The following CCHCR1 variants were observed in gnomAD, a reference collection of about 807,000 sequenced individuals.
The protein encoded by CCHCR1 is HCR (a-helix coiled-coil rod homologue).
Under a neutral mutation model 114.6 loss-of-function variants are expected in CCHCR1, and 91 were observed. The ratio of observed to expected loss-of-function variants is 0.79; its 90% confidence interval spans 0.67 to 0.94. CCHCR1 has a LOEUF of 0.94. Ranked by LOEUF, CCHCR1 falls within the 40% of genes least tolerant of loss-of-function variation. The pLI, the probability that CCHCR1 is intolerant of heterozygous loss-of-function variation, is 0.00. For missense variants in CCHCR1, 899 were observed against 1,079.9 expected (o/e 0.83, Z 2.35); for synonymous variants, 379 against 428.5 (o/e 0.88, Z 1.43).
rs756155788 is a variant in CCHCR1 at position 31,144,991 on chromosome 6, G to C, written c.1959C>G (p.Ser653Arg). 3 of 1,607,538 alleles carry C rather than the reference G, an allele frequency of 1.9e-6. No individual in the cohort carries two copies. Among genetic ancestry groups the C allele is most frequent in the African/African-American group, 2.7e-5 (2 of 75,014 alleles). Residue 653 changes from serine (S) to arginine (R), a missense_variant, in exon 14 of 18, where the codon AGC (serine) becomes AGG (arginine). Physicochemically the swap from Ser to Arg is moderately radical, Grantham distance 110 (BLOSUM62 -1). Coordinates refer to ENST00000396268, the MANE Select transcript of CCHCR1 (RefSeq NM_001105564.2). The surrounding 1 kb of genome is among the most constrained non-coding windows in gnomAD (Gnocchi z 4.6). ...ELQQTQESLASLGLQLEVARQ... is the reference protein window; with the variant it reads ...ELQQTQESLARLGLQLEVARQ... Reference sequence around the variant, plus strand: ...GTGCTACCTCCAGCTGCAGCCCCAAGCTAGCCAGGGACTCCTGGGTCTGCT... The same window carrying C: ...GTGCTACCTCCAGCTGCAGCCCCAACCTAGCCAGGGACTCCTGGGTCTGCT...
At chr6:31,157,212 T>C in intron 1 of CCHCR1, 123 bp from the exon 2 acceptor site, 1 of 1,028,074 alleles carries the variant, frequency 9.7e-7, no homozygotes, top group Non-Finnish European at 1.5e-6. Context: ...GATGCTTAGC[T>C]CTTTTCCTAC....
chr6:31,143,494 G>A lies in CCHCR1; in HGVS notation c.2168-81C>T, dbSNP rs752038577. 9 of 1,477,086 alleles carry A rather than the reference G, an allele frequency of 6.1e-6. No individual in the cohort carries two copies. The highest frequency in any genetic ancestry group is 1.4e-5 in the African/African-American group (1 of 71,774). 91.5% of individuals were successfully genotyped at this position (1,477,086 alleles called of 1,614,324 possible). On this transcript the variant is annotated intron_variant, in intron 15 of 17. Transcript: ENST00000396268. This position sits in a 1 kb window ranked among gnomAD's most constrained non-coding sequence, Gnocchi z 5.3. ...AGGCACCATGAAGACAGGAACAAAC[G>A]CTGGGTCACCAACTCTGTGGCTTGG...
rs114928454 is a variant in CCHCR1, at chr6:31,157,350, A to C, written c.216+35T>G. On this transcript the variant is annotated intron_variant, in intron 1 of 17. Coordinates refer to ENST00000396268, the MANE Select transcript of CCHCR1 (RefSeq NM_001105564.2). ...AGACTGAGAGGGGCTCTGAGGCTTTACTCATACTTTCAGGATTCTGGGCAG... is the reference window on the plus strand; with the variant it reads ...AGACTGAGAGGGGCTCTGAGGCTTTCCTCATACTTTCAGGATTCTGGGCAG... The C allele has an allele frequency of 2.6e-4, 400 of 1,526,184 alleles. 3 individuals are homozygous for C. The African/African-American group carries it at 3.5e-3, about 13-fold the overall frequency. 94.5% of individuals were successfully genotyped at this position (1,526,184 alleles called of 1,614,324 possible).
At chr6:31,148,833 A>G (rs1561806772) in intron 8 of CCHCR1, 105 bp from the exon 9 acceptor site, 18 of 10,394 alleles carry the variant, frequency 1.7e-3, no homozygotes, top group South Asian at 4.7e-3. Context: ...AATGCCATGC[A>G]GGGGCTGGGG....
In CCHCR1 at chr6:31,154,291, TG is replaced by T. The variant is rs1561821647; in HGVS notation, c.801+204del. On this transcript the variant is annotated intron_variant, in intron 4 of 17. Coordinates refer to ENST00000396268, the MANE Select transcript of CCHCR1 (RefSeq NM_001105564.2). This position sits in a 1 kb window ranked among gnomAD's most constrained non-coding sequence, Gnocchi z 4.1. ...AAGTGGTGGGAGGCCACCTGAGTCTTGGGGGAAAAGTGCAACCTGAATTAAG... is the reference window on the plus strand; with the variant it reads ...AAGTGGTGGGAGGCCACCTGAGTCTTGGGGAAAAGTGCAACCTGAATTAAG... Among the ~76,000 whole-genome samples, 1 of 152,294 alleles carries T rather than the reference TG, an allele frequency of 6.6e-6. No homozygotes were observed. Among genetic ancestry groups the T allele is most frequent in the South Asian group, 2.1e-4 (1 of 4,824 alleles).
At chr6:31,145,951 C>A in intron 10 of CCHCR1, 143 bp from the exon 11 acceptor site, 2 of 612,472 alleles carry the variant, frequency 3.3e-6, no homozygotes, top group Non-Finnish European at 5.9e-6. Context: ...TCTAAAGGAC[C>A]CTTGCCCCAA....
rs777004156 is a variant in CCHCR1 at position 31,157,651 on chromosome 6, CCAGG to C, written c.-55_-52del. 1 of 1,478,306 alleles carries C rather than the reference CCAGG, an allele frequency of 6.8e-7. No homozygotes were observed. Among genetic ancestry groups the C allele is most frequent in the Non-Finnish European group, 9.2e-7 (1 of 1,082,466 alleles). 91.6% of individuals were successfully genotyped at this position (1,478,306 alleles called of 1,614,324 possible). ...TTGGGAATCCAGGCCGCCTAGATCC[CCAGG>C]CAGAAAAGCCAGCGTCCTGACATCT... On this transcript the variant is annotated 5_prime_UTR_variant, in exon 1 of 18. It removes the in-frame stop codon of an upstream open reading frame in the 5' UTR. Coordinates refer to ENST00000396268, the MANE Select transcript of CCHCR1 (RefSeq NM_001105564.2).
At position 31,157,695 on chromosome 6, in the gene CCHCR1, C is replaced by T. The variant is rs181665781; in HGVS notation, c.-95G>A. 38 of 989,304 alleles carry T rather than the reference C, an allele frequency of 3.8e-5. No individual in the cohort carries two copies. In the African/African-American group the frequency reaches 5.3e-4, roughly 14 times the overall value. The allele number at this position is 989,304 out of a possible 1,614,324, so 61.3% of individuals were successfully genotyped here. On this transcript the variant is annotated 5_prime_UTR_variant, in exon 1 of 18. Transcript: ENST00000396268. ...TCCTGACATCTTATTCAAATCTTTCCTGCGGCTGTTCTCTCAGCTTCTCTC... is the reference window on the plus strand; with the variant it reads ...TCCTGACATCTTATTCAAATCTTTCTTGCGGCTGTTCTCTCAGCTTCTCTC...
intron 10 of CCHCR1, among the ~76,000 whole-genome samples, chr6:31,146,331 C>T (rs913450101): frequency 1.5e-4 from 23 of 152,062 alleles, no homozygotes; most frequent in Admixed American, 1.2e-3. Context: ...GGTGACAGAG[C>T]GAGACTCCAT....
rs555703508 is a variant in CCHCR1 at position 31,156,449 on chromosome 6, C to T, written c.497+282G>A. 3.3e-4 allele frequency: 158 copies of T among 474,790 alleles called. 1 individual carries two copies. The highest frequency in any genetic ancestry group is 5.2e-4 in the Non-Finnish European group (140 of 270,692). The allele number at this position is 474,790 out of a possible 1,614,324, so 29.4% of individuals were successfully genotyped here. A position where few individuals can be genotyped will look rare whatever the true frequency, so the allele number is the denominator to read the frequency against. On this transcript the variant is annotated intron_variant, in intron 3 of 17. Coordinates refer to ENST00000396268, the MANE Select transcript of CCHCR1 (RefSeq NM_001105564.2). ...TGCACTTCTTCATCTTGCCTCATAC[C>T]ATGCTTTACCATCAGCTGGTGGTCA... is the stretch of plus-strand genomic sequence containing the variant.
rs374334149 is a variant in CCHCR1 at position 31,154,459 on chromosome 6, C to T, written c.801+37G>A. ...GCTTGGAAGCTACTGCCCAGCTCTCCGTTATGAATTTGAATCCTTTCTACC... is the reference window on the plus strand; with the variant it reads ...GCTTGGAAGCTACTGCCCAGCTCTCTGTTATGAATTTGAATCCTTTCTACC... On this transcript the variant is annotated intron_variant, in intron 4 of 17. Transcript: ENST00000396268. The surrounding 1 kb of genome is among the most constrained non-coding windows in gnomAD (Gnocchi z 4.1). 4.5e-6 allele frequency: 7 copies of T among 1,546,712 alleles called. No individual in the cohort carries two copies. In the African/African-American group the frequency reaches 5.4e-5, roughly 12 times the overall value.
chr6:31,143,298 GCGCCGGGCC>G lies in CCHCR1; in HGVS notation c.2274_2282del (p.Ala759_Arg761del), dbSNP rs1773812924. 7.4e-6 allele frequency: 12 copies of G among 1,612,654 alleles called. No homozygotes were observed. The highest frequency in any genetic ancestry group is 9.3e-6 in the Non-Finnish European group (11 of 1,180,028). ...TCTTATCCCTCTCTAGCTCCTGCAA[GCGCCGGGCC>G]AGTCGCTGCCCCTCCTCCTTCCGGG... On this transcript the variant is annotated inframe_deletion, in exon 16 of 18. Coordinates refer to ENST00000396268, the MANE Select transcript of CCHCR1 (RefSeq NM_001105564.2). This position sits in a 1 kb window ranked among gnomAD's most constrained non-coding sequence, Gnocchi z 5.3.
intron 10 of CCHCR1, among the ~76,000 whole-genome samples, chr6:31,147,399 CAAAAAAAAAAAA>C (rs9278998): frequency 0.098 from 12,460 of 127,122 alleles, 675 homozygotes; most frequent in Middle Eastern, 0.18. Context: ...GACTCTGTCT[CAAAAAAAAAAAA>C]AAAAAAAAAA....
Position 31,154,910 on chromosome 6 carries a change from G to A in CCHCR1, c.498-111C>T. The A allele has an allele frequency of 1.0e-6, 1 of 987,396 alleles. No individual in the cohort carries two copies. The highest frequency in any genetic ancestry group is 1.7e-5 in the South Asian group (1 of 57,974). The allele number at this position is 987,396 out of a possible 1,614,324, so 61.2% of individuals were successfully genotyped here. ...AGAGGACCCCTCTGCTTCCGTGTGG[G>A]GAGGTGAAGGGGGTGCTGAAGCTGG... On this transcript the variant is annotated intron_variant, in intron 3 of 17. Transcript: ENST00000396268. This position sits in a 1 kb window ranked among gnomAD's most constrained non-coding sequence, Gnocchi z 4.1.
At chr6:31,145,624 G>T (rs1422967949) in intron 11 of CCHCR1, 72 bp downstream of exon 11, 4 of 1,442,644 alleles carry the variant, frequency 2.8e-6, no homozygotes, top group Non-Finnish European at 2.9e-6. Context: ...ATCAGAGAGA[G>T]CTGGGTCAGG....
At position 31,144,760 on chromosome 6, in the gene CCHCR1, T is replaced by G. The variant is rs751852843; in HGVS notation, c.2094A>C (p.Glu698Asp). 10 of 1,613,940 alleles carry G rather than the reference T, an allele frequency of 6.2e-6. No individual in the cohort carries two copies. The Admixed American group carries it at 1.7e-4, about 27-fold the overall frequency. ...CTGAGAGTTGCTCCCGCAGCCGAGT[T>G]TCCACTTCAGCCACCTTTTCTTGCA... is the stretch of plus-strand genomic sequence containing the variant. ...QALQEKVAEV[E>D]TRLREQLSDT... The change falls in exon 15 of 18, where the codon GAA (glutamate) becomes GAC (aspartate). Residue 698 changes from glutamate to aspartate, a missense_variant. Coordinates refer to ENST00000396268, the MANE Select transcript of CCHCR1 (RefSeq NM_001105564.2). This position sits in a 1 kb window ranked among gnomAD's most constrained non-coding sequence, Gnocchi z 4.6.
chr6:31,145,478 T>G lies in CCHCR1; in HGVS notation c.1709A>C (p.Lys570Thr). ...CTGGCGCAGCTGAGCAAGGGCAAGC[T>G]TTCGAGCAATCAGGCCTGGAGGGGA... ...VHTIRGLIARKLALAQLRQES... is the reference protein window; with the variant it reads ...VHTIRGLIARTLALAQLRQES... The change falls in exon 12 of 18, where the codon AAG (lysine) becomes ACG (threonine). Residue 570 changes from lysine to threonine, a missense_variant. Coordinates refer to ENST00000396268, the MANE Select transcript of CCHCR1 (RefSeq NM_001105564.2). The G allele has an allele frequency of 6.2e-7, 1 of 1,614,084 alleles. No homozygotes were observed. The highest frequency in any genetic ancestry group is 8.5e-7 in the Non-Finnish European group (1 of 1,180,014).
chr6:31,146,218 G>A (rs1425718373), intron 10 of CCHCR1, among the ~76,000 whole-genome samples: 1 of 152,088 alleles, frequency 6.6e-6, no homozygotes, highest in East Asian at 1.9e-4. Context: ...GGTGGCTCAT[G>A]CCTGTAATCC....
rs130070 is a variant in CCHCR1, at chr6:31,148,443, G to A, written c.1542C>T (p.Ala514=). The change falls in exon 10 of 18, where the codon GCC becomes GCT. Residue 514 remains alanine (A), a synonymous_variant. Transcript: ENST00000396268. The part of the protein sequence containing the change: ...RRRWQQQTAS[A]EEQLRLVVNA... Reference sequence around the variant, plus strand: ...TGACCACAAGCCTCAGCTGCTCCTCGGCTGAGGCTGTCTGCTGCTGCCACC... The same window carrying A: ...TGACCACAAGCCTCAGCTGCTCCTCAGCTGAGGCTGTCTGCTGCTGCCACC... 240,382 of 1,610,338 alleles carry A rather than the reference G, an allele frequency of 0.15. 19,093 individuals carry two copies. The highest frequency in any genetic ancestry group is 0.16 in the Non-Finnish European group (192,894 of 1,177,874).
Sources: gnomAD v4.1 joint callset for allele counts (sites outside exome capture counted in the v4.1 genomes callset) on GRCh38, gnomAD v4.1.1 for gene constraint, Gnocchi (gnomAD v3.1) non-coding constraint, MANE v1.5 for transcripts, NCBI Gene and HGNC (gene_info 2026-07-23, HGNC 2026-07-21) for gene names.